Variants in RALYL observed in about 807,000 individuals in gnomAD.
RALYL encodes RALY RNA binding protein like.
Under a neutral mutation model 35.1 loss-of-function variants are expected in RALYL, and 29 were observed. The ratio of observed to expected loss-of-function variants is 0.83; its 90% CI spans 0.61 to 1.13. The LOEUF (loss-of-function observed/expected upper bound fraction) is 1.13. Ranked by LOEUF, RALYL falls within the 50% of genes most tolerant of loss-of-function variation. The probability of loss-of-function intolerance (pLI) is 0.00; values close to 1 mark genes in which losing one functional copy is unlikely to be tolerated. For synonymous variants in RALYL, 120 were observed against 127.6 expected, an observed-to-expected ratio of 0.94 and a Z score of 0.40; for missense variants, 359 against 360.4, an observed-to-expected ratio of 1.00 and a Z score of 0.03.
At chr8:84,577,847 C>T (rs1330160301) in intron 2 of RALYL, among the ~76,000 whole-genome samples, 2 of 152,096 alleles carry the variant, frequency 1.3e-5, no homozygotes, top group Non-Finnish European at 2.9e-5. Context: ...TATCCTAAGC[C>T]AATCAAGATT....
intron 5 of RALYL, among the ~76,000 whole-genome samples, chr8:84,862,026 G>A (rs1477278907): frequency 6.6e-6 from 1 of 152,186 alleles, no homozygotes; most frequent in African/African-American, 2.4e-5. Context: ...TACTGTTGGA[G>A]CAAAGCTCCT....
At chr8:84,483,999 G>A (rs962570329) in intron 1 of RALYL, among the ~76,000 whole-genome samples, 1 of 152,052 alleles carries the variant, frequency 6.6e-6, no homozygotes, top group Admixed American at 6.6e-5. Flanking sequence ...ATTAAGATGT[G>A]TTTTTAAAAT....
chr8:84,919,539 C>T (rs1848994992), intron 8 of RALYL, among the ~76,000 whole-genome samples: 1 of 151,842 alleles, frequency 6.6e-6, no homozygotes, highest in Admixed American at 6.6e-5. Context: ...AACTGCATGA[C>T]AAACACATTT....
At chr8:84,652,268 CTATTA>C (rs1829006217) in intron 2 of RALYL, among the ~76,000 whole-genome samples, 1 of 152,052 alleles carries the variant, frequency 6.6e-6, no homozygotes, top group Admixed American at 6.6e-5. Flanking sequence ...AATTATCTCT[CTATTA>C]TAAGGTTTGC....
intron 1 of RALYL, among the ~76,000 whole-genome samples, chr8:84,376,859 C>T (rs1370404557): frequency 6.6e-6 from 1 of 151,802 alleles, no homozygotes; most frequent in African/African-American, 2.4e-5. Context: ...AAGGAGAGAA[C>T]TTGTAACAAA....
intron 1 of RALYL, among the ~76,000 whole-genome samples, chr8:84,421,994 T>A (rs1451329044): frequency 1.3e-5 from 2 of 152,192 alleles, no homozygotes; most frequent in East Asian, 3.9e-4. Context: ...ATCAAGGTTA[T>A]TGGTCTAAAA....
At chr8:84,223,158 T>TTCCC (rs1822811241) in intron 1 of RALYL, among the ~76,000 whole-genome samples, 1 of 121,522 alleles carries the variant, frequency 8.2e-6, no homozygotes, top group African/African-American at 3.3e-5. Flanking sequence ...CTTTCCTTTC[T>TTCCC]TTCCTTCCTC....
At chr8:84,720,800 A>G (rs1843749408) in intron 2 of RALYL, among the ~76,000 whole-genome samples, 3 of 152,130 alleles carry the variant, frequency 2.0e-5, no homozygotes, top group African/African-American at 7.2e-5. Flanking sequence ...TAGCAAAAAA[A>G]AACAATGTGA....
rs575434961 is a variant in RALYL, at chr8:84,200,108, A to G, written c.-24+15684A>G. On this transcript the variant is annotated intron_variant, in intron 1 of 8. Transcript: ENST00000521268. ...ATTCTTATGATTCAACCTGAAACCA[A>G]AGTTTTCTGCTTTTACTCGTTTGAG... Among the ~76,000 whole-genome samples the G allele has an allele frequency of 2.8e-4, 43 of 152,300 alleles. No homozygotes were observed. In the South Asian group the frequency reaches 3.1e-3, roughly 11 times the overall value.
chr8:84,572,140 G>T lies in RALYL; in HGVS notation c.256+42563G>T, dbSNP rs373335200. Reference sequence around the variant, plus strand: ...GTTTGTAGTCCAGTTTAAGTCCAAAGTTGAGTCTGTTTGTGTCTTTAGCAA... The same window carrying T: ...GTTTGTAGTCCAGTTTAAGTCCAAATTTGAGTCTGTTTGTGTCTTTAGCAA... On this transcript the variant is annotated intron_variant, in intron 2 of 8. Transcript: ENST00000521268. Among the ~76,000 whole-genome samples, 84 of 151,864 alleles carry T rather than the reference G, an allele frequency of 5.5e-4. 1 individual carries two copies. Among genetic ancestry groups the T allele is most frequent in the African/African-American group, 2.0e-3 (83 of 41,528 alleles).
At chr8:84,701,937 G>GAAA (rs948615317) in intron 2 of RALYL, among the ~76,000 whole-genome samples, 2 of 151,052 alleles carry the variant, frequency 1.3e-5, no homozygotes, top group African/African-American at 4.9e-5. Flanking sequence ...TGTCTCTGGA[G>GAAA]AAATATTAGC....
intron 2 of RALYL, among the ~76,000 whole-genome samples, chr8:84,692,181 A>G (rs781502817): frequency 3.3e-5 from 5 of 151,984 alleles, no homozygotes; most frequent in Non-Finnish European, 5.9e-5. Context: ...GAGTGAGAAA[A>G]AGATGCACAT....
intron 4 of RALYL, among the ~76,000 whole-genome samples, chr8:84,840,313 G>A (rs1391157009): frequency 3.3e-5 from 5 of 152,132 alleles, no homozygotes; most frequent in South Asian, 2.1e-4. Context: ...CCAGAACTAC[G>A]TGATGAATGG....
chr8:84,337,614 C>G (rs967209411), intron 1 of RALYL, among the ~76,000 whole-genome samples: 1 of 151,998 alleles, frequency 6.6e-6, no homozygotes, highest in East Asian at 1.9e-4. Flanking sequence ...TTAAATGTGA[C>G]ATGTTTTTTA....
At chr8:84,910,752 A>T (rs1490073813) in intron 8 of RALYL, among the ~76,000 whole-genome samples, 1 of 151,898 alleles carries the variant, frequency 6.6e-6, no homozygotes, top group Non-Finnish European at 1.5e-5. Context: ...TAAAATATAA[A>T]ATATCATCTG....
chr8:84,237,912 A>G (rs189455623), intron 1 of RALYL, among the ~76,000 whole-genome samples: 53 of 152,234 alleles, frequency 3.5e-4, no homozygotes, highest in African/African-American at 1.2e-3. Context: ...AGGTACACCA[A>G]AAGAGGCCAA....
rs146996372 is a variant in RALYL, at chr8:84,871,420, G to A, written c.572-1864G>A. The stretch of plus-strand genomic sequence containing the variant: ...TATATTCTGTTAGTTTTCAGCTATA[G>A]TCCTATTTATTTCTCCTGCATTGAA... On this transcript the variant is annotated intron_variant, in intron 6 of 8. Transcript: ENST00000521268. Among the ~76,000 whole-genome samples the A allele has an allele frequency of 1.4e-3, 219 of 152,224 alleles. 1 individual carries two copies. Among genetic ancestry groups the A allele is most frequent in the African/African-American group, 5.0e-3 (209 of 41,538 alleles).
intron 2 of RALYL, among the ~76,000 whole-genome samples, chr8:84,733,538 C>T (rs913687290): frequency 6.6e-6 from 1 of 151,944 alleles, no homozygotes; most frequent in Non-Finnish European, 1.5e-5. Flanking sequence ...AAGTTAAAGT[C>T]CTAAATATGG....
chr8:84,568,582 G>A (rs2135730533), intron 2 of RALYL, among the ~76,000 whole-genome samples: 1 of 141,026 alleles, frequency 7.1e-6, no homozygotes, highest in Admixed American at 7.3e-5. Context: ...AGAGTGGCTG[G>A]GTCAAATGGT....
Sources: allele counts gnomAD v4.1 joint callset (sites outside exome capture counted in the v4.1 genomes callset), GRCh38; gene constraint gnomAD v4.1.1; transcripts MANE v1.5; gene names NCBI Gene and HGNC (gene_info 2026-07-23, HGNC 2026-07-21).